The following RABEP1 variants were observed in gnomAD, a reference collection of about 807,000 sequenced individuals.
The protein encoded by RABEP1 is rab GTPase-binding effector protein 1.
Under a neutral mutation model 123.4 loss-of-function variants are expected in RABEP1, and 51 were observed. The ratio of observed to expected loss-of-function variants is 0.41; its 90% CI spans 0.33 to 0.52. The LOEUF is 0.52. Ranked by LOEUF, RABEP1 falls within the 20% of genes least tolerant of loss-of-function variation. The probability of loss-of-function intolerance (pLI) is 0.16; values close to 1 mark genes in which losing one functional copy is unlikely to be tolerated. For synonymous variants in RABEP1, 347 were observed against 355.2 expected (o/e 0.98, Z 0.26); for missense variants, 888 against 996.3 (o/e 0.89, Z 1.46).
intron 17 of RABEP1, among the ~76,000 whole-genome samples, chr17:5,382,121 G>A (rs935042726): frequency 5.6e-5 from 8 of 143,938 alleles, no homozygotes; most frequent in African/African-American, 1.3e-4. Flanking sequence ...ATGCTCTGTT[G>A]CCCAGGCTAG....
chr17:5,318,055 A>T (rs894263476), intron 2 of RABEP1, among the ~76,000 whole-genome samples: 7 of 152,156 alleles, frequency 4.6e-5, no homozygotes, highest in Non-Finnish European at 1.0e-4. Flanking sequence ...TATCCTTTGT[A>T]ATAGTCTTTA....
At chr17:5,330,585 G>A (rs1906434499) in intron 2 of RABEP1, among the ~76,000 whole-genome samples, 1 of 152,142 alleles carries the variant, frequency 6.6e-6, no homozygotes, top group South Asian at 2.1e-4. Flanking sequence ...CATACAGCTG[G>A]TTAGCGGTAG....
chr17:5,348,309 A>G (rs1411819913), intron 6 of RABEP1, among the ~76,000 whole-genome samples: 1 of 152,150 alleles, frequency 6.6e-6, no homozygotes, highest in Admixed American at 6.5e-5. Flanking sequence ...AGTTGTTCTT[A>G]AATGGAGTTT....
chr17:5,384,703 G>T lies in RABEP1; in HGVS notation c.*1480G>T. 4.7e-6 allele frequency: 1 copy of T among 211,328 alleles called. No individual in the cohort carries two copies. Among genetic ancestry groups the T allele is most frequent in the Admixed American group, 5.9e-5 (1 of 17,048 alleles). 13.1% of individuals were successfully genotyped at this position (211,328 alleles called of 1,614,324 possible). A position where few individuals can be genotyped will look rare whatever the true frequency, so the allele number is the denominator to read the frequency against. On this transcript the variant is annotated 3_prime_UTR_variant, in exon 18 of 18. Coordinates refer to ENST00000537505, the MANE Select transcript of RABEP1 (RefSeq NM_004703.6). The stretch of plus-strand genomic sequence containing the variant: ...ATTGTAGTCTTGCATTCATGGTTAT[G>T]AATTTAAAAATAAATACCAATTATG...
Position 5,385,184 on chromosome 17 carries a change from T to C in RABEP1, c.*1961T>C. The stretch of plus-strand genomic sequence containing the variant: ...CAAACTGAGACTCTTAAGTTTTGTT[T>C]AGCAATGTGTTTCTGGTATGAAACA... On this transcript the variant is annotated 3_prime_UTR_variant, in exon 18 of 18. Transcript: ENST00000537505. 2 of 230,100 alleles carry C rather than the reference T, an allele frequency of 8.7e-6. No individual in the cohort carries two copies. The highest frequency in any genetic ancestry group is 6.2e-5 in the East Asian group (1 of 16,048). The allele number at this position is 230,100 out of a possible 1,614,324, so 14.3% of individuals were successfully genotyped here.
intron 1 of RABEP1, among the ~76,000 whole-genome samples, chr17:5,305,400 G>C (rs2075171142): frequency 6.6e-6 from 1 of 152,086 alleles, no homozygotes; most frequent in African/African-American, 2.4e-5. Context: ...CTAAACTGTG[G>C]GTCAGAGCCA....
At chr17:5,309,639 G>A (rs1487359033) in intron 2 of RABEP1, among the ~76,000 whole-genome samples, 1 of 147,546 alleles carries the variant, frequency 6.8e-6, no homozygotes, top group Non-Finnish European at 1.5e-5. Context: ...GGCGACAAGA[G>A]TGAAACTCCC....
intron 1 of RABEP1, among the ~76,000 whole-genome samples, chr17:5,300,051 T>C (rs890326998): frequency 6.6e-6 from 1 of 152,124 alleles, no homozygotes; most frequent in Non-Finnish European, 1.5e-5. Context: ...AAACTGCTTT[T>C]TCTCTCTGAT....
At chr17:5,352,226 C>G (rs1333286266) in intron 7 of RABEP1, among the ~76,000 whole-genome samples, 2 of 151,464 alleles carry the variant, frequency 1.3e-5, no homozygotes, top group Non-Finnish European at 1.5e-5. Flanking sequence ...GGATTTCACT[C>G]CAGTCACCCA....
rs1910116189 is a variant in RABEP1, at chr17:5,367,414, GGC to G, written c.1786-955_1786-954del. On this transcript the variant is annotated intron_variant, in intron 11 of 17. Transcript: ENST00000537505. ...AGCCTCCTGAGTAGCTGGGACTACA[GGC>G]ACCCGCCACCACGCCCGGCTAATTT... Among the ~76,000 whole-genome samples the G allele has an allele frequency of 1.1e-4, 16 of 151,806 alleles. 1 individual carries two copies. Among genetic ancestry groups the G allele is most frequent in the African/African-American group, 3.4e-4 (14 of 41,420 alleles).
chr17:5,377,505 C>A (rs981662477), intron 14 of RABEP1, among the ~76,000 whole-genome samples, 200 bp downstream of exon 14: 1 of 142,058 alleles, frequency 7.0e-6, no homozygotes, highest in African/African-American at 2.6e-5. Flanking sequence ...ATCAGAAATT[C>A]TGGTTATTTA....
chr17:5,367,972 G>C (rs140695664), intron 11 of RABEP1, among the ~76,000 whole-genome samples: 1 of 150,398 alleles, frequency 6.6e-6, no homozygotes, highest in African/African-American at 2.4e-5. Flanking sequence ...GGCCAGGCTG[G>C]TCTCGAACTC....
chr17:5,378,688 T>TCCC (rs1249071479), intron 15 of RABEP1: 1 of 217,332 alleles, frequency 4.6e-6, no homozygotes, highest in African/African-American at 2.4e-5. Flanking sequence ...CACCCTGCTC[T>TCCC]CCCCTTCCAC....
Position 5,310,301 on chromosome 17 carries a change from C to CTTTTTTTTTTTTT in RABEP1, c.163+1485_163+1497dup, listed in dbSNP as rs11432831. Among the ~76,000 whole-genome samples, 58 of 126,406 alleles carry CTTTTTTTTTTTTT rather than the reference C, an allele frequency of 4.6e-4. 9 individuals are homozygous for CTTTTTTTTTTTTT. Among genetic ancestry groups the CTTTTTTTTTTTTT allele is most frequent in the African/African-American group, 7.6e-4 (25 of 32,804 alleles). 82.9% of individuals were successfully genotyped at this position (126,406 alleles called of 152,430 possible). On this transcript the variant is annotated intron_variant, in intron 2 of 17. Transcript: ENST00000537505. ...TTACAATTTAAATGAAAGCTTCGTC[C>CTTTTTTTTTTTTT]TTTTTTTTTTTTTTTTTTGAGATGG...
intron 11 of RABEP1, among the ~76,000 whole-genome samples, chr17:5,365,982 T>G (rs748786233): frequency 5.3e-5 from 8 of 152,234 alleles, no homozygotes; most frequent in Admixed American, 6.5e-5. Context: ...TTTGAAATTT[T>G]TGTATAGGGC....
chr17:5,290,584 AAAT>A (rs1002759416), intron 1 of RABEP1, among the ~76,000 whole-genome samples: 14 of 152,186 alleles, frequency 9.2e-5, no homozygotes, highest in Admixed American at 2.0e-4. Context: ...ATGTTAATTT[AAAT>A]AATAATATTT....
At chr17:5,359,062 T>C (rs1475964677) in intron 8 of RABEP1, among the ~76,000 whole-genome samples, 1 of 149,824 alleles carries the variant, frequency 6.7e-6, no homozygotes, top group Non-Finnish European at 1.5e-5. Context: ...GCGCCAGGCC[T>C]GTAGTCTGAT....
chr17:5,300,594 T>G (rs2075127729), intron 1 of RABEP1, among the ~76,000 whole-genome samples: 1 of 152,174 alleles, frequency 6.6e-6, no homozygotes, highest in Non-Finnish European at 1.5e-5. Context: ...CGTATGATGT[T>G]ATGAAATCAG....
At chr17:5,294,633 CTTTTTTTTTTTT>C (rs1185209680) in intron 1 of RABEP1, among the ~76,000 whole-genome samples, 22 of 53,022 alleles carry the variant, frequency 4.1e-4, no homozygotes, top group Non-Finnish European at 5.5e-4. Flanking sequence ...ACGGTATTGT[CTTTTTTTTTTTT>C]TTTTTTTTTT....
Sources: gnomAD v4.1 joint callset for allele counts (sites outside exome capture counted in the v4.1 genomes callset) on GRCh38, gnomAD v4.1.1 for gene constraint, MANE v1.5 for transcripts, NCBI Gene and HGNC (gene_info 2026-07-23, HGNC 2026-07-21) for gene names.